CSMD1: variants seen among roughly 807,000 people sequenced by gnomAD.
The protein encoded by CSMD1 is CUB and sushi domain-containing protein 1.
Under a neutral mutation model 417.5 loss-of-function variants are expected in CSMD1, and 213 were observed. That is an observed-to-expected ratio of 0.51 (90% CI 0.46 to 0.57). The LOEUF (loss-of-function observed/expected upper bound fraction) is 0.57. CSMD1 is among the 20% of genes least tolerant of loss of function. The pLI is 0.00. For synonymous variants in CSMD1, 2,862 were observed against 1,736.8 expected, an observed-to-expected ratio of 1.65 and a Z score of -16.11; for missense variants, 6,923 against 4,529.7, an observed-to-expected ratio of 1.53 and a Z score of -15.17.
chr8:3,485,560 G>GAC (rs1409649555), intron 11 of CSMD1, among the ~76,000 whole-genome samples: 1 of 150,200 alleles, frequency 6.7e-6, no homozygotes, highest in East Asian at 2.0e-4. Context: ...GAGAGAGAGA[G>GAC]AGAGGGAGAG....
At chr8:4,565,402 A>C (rs1219719497) in intron 2 of CSMD1, among the ~76,000 whole-genome samples, 1 of 152,090 alleles carries the variant, frequency 6.6e-6, no homozygotes, top group Non-Finnish European at 1.5e-5. Flanking sequence ...TCTTCATTTT[A>C]CATTGCAGTG....
intron 10 of CSMD1, among the ~76,000 whole-genome samples, chr8:3,540,816 T>A (rs914642079): frequency 6.6e-6 from 1 of 152,042 alleles, no homozygotes; most frequent in Non-Finnish European, 1.5e-5. Flanking sequence ...GAAGTGCAAA[T>A]CAAAACCACA....
intron 5 of CSMD1, among the ~76,000 whole-genome samples, chr8:3,786,762 TCA>T (rs1352432295): frequency 6.6e-6 from 1 of 152,166 alleles, no homozygotes; most frequent in Non-Finnish European, 1.5e-5. Context: ...TCTTTCAAGC[TCA>T]CAGAGGGCTA....
At chr8:4,197,675 T>G (rs574502426) in intron 3 of CSMD1, among the ~76,000 whole-genome samples, 5 of 152,156 alleles carry the variant, frequency 3.3e-5, no homozygotes, top group African/African-American at 1.2e-4. Context: ...GGCCAGGAGT[T>G]TGAGGCCAGC....
rs1804606226 is a variant in CSMD1, at chr8:2,973,121, A to G, written c.8919T>C (p.Cys2973=). The G allele has an allele frequency of 6.2e-7, 1 of 1,613,310 alleles. No homozygotes were observed. Among genetic ancestry groups the G allele is most frequent in the South Asian group, 1.1e-5 (1 of 91,018 alleles). ...TTAAGGCTTCTGGCTACTCACCCTC[A>G]CACACCGGCTGCAGTCCTGACCATG... ...NGSWSGLQPV[C]EAVSCGNPGT... is the part of the protein sequence containing the mutation. The change falls in exon 57 of 70, where the codon TGT becomes TGC. Residue 2973 remains cysteine, a synonymous_variant. Transcript: ENST00000635120.
intron 26 of CSMD1, among the ~76,000 whole-genome samples, chr8:3,241,980 C>A (rs930716734): frequency 1.8e-5 from 2 of 108,256 alleles, no homozygotes; most frequent in African/African-American, 6.5e-5. Flanking sequence ...GCCTTTTGAC[C>A]TTTTAGGGTC....
intron 1 of CSMD1, chr8:4,787,796 T>C: frequency 6.4e-7 from 1 of 1,574,496 alleles, no homozygotes; most frequent in Non-Finnish European, 8.7e-7. Flanking sequence ...CAGACTGAAT[T>C]GGATATCATG....
intron 1 of CSMD1, among the ~76,000 whole-genome samples, chr8:4,867,319 T>C (rs561596443): frequency 6.6e-6 from 1 of 152,086 alleles, no homozygotes; most frequent in Non-Finnish European, 1.5e-5. Flanking sequence ...ACTGTTTATA[T>C]CTTGTCATTG....
At chr8:4,530,182 G>A (rs1796731621) in intron 2 of CSMD1, among the ~76,000 whole-genome samples, 1 of 151,910 alleles carries the variant, frequency 6.6e-6, no homozygotes, top group South Asian at 2.1e-4. Context: ...CAAAGTGCTA[G>A]GATTACAGGC....
chr8:4,459,250 T>TA (rs1409405098), intron 2 of CSMD1, among the ~76,000 whole-genome samples: 1 of 152,168 alleles, frequency 6.6e-6, no homozygotes, highest in African/African-American at 2.4e-5. Context: ...AACTCCAGAA[T>TA]AAAAGGTCAA....
In CSMD1 at chr8:3,440,884, G is replaced by C. The variant is rs1814937091; in HGVS notation, c.1561+27828C>G. On this transcript the variant is annotated intron_variant, in intron 12 of 69. Transcript: ENST00000635120. ...CATGAACAGACGTTACAGCAGGCTT[G>C]ATGGTGGCCCCCGATAACGACATGT... Among the ~76,000 whole-genome samples, 4 of 152,208 alleles carry C rather than the reference G, an allele frequency of 2.6e-5. No individual in the cohort carries two copies. In the South Asian group the frequency reaches 6.2e-4, roughly 24 times the overall value.
At chr8:3,276,644 C>A (rs1388928012) in intron 26 of CSMD1, among the ~76,000 whole-genome samples, 2 of 152,072 alleles carry the variant, frequency 1.3e-5, no homozygotes, top group African/African-American at 2.4e-5. Context: ...GGGACACAGC[C>A]AAACCGTATC....
rs140222724 is a variant in CSMD1 at position 3,793,920 on chromosome 8, C to G, written c.819-39878G>C. 3.9e-5 allele frequency among the ~76,000 whole-genome samples: 6 copies of G among 152,268 alleles called. No individual in the cohort carries two copies. The East Asian group carries it at 7.7e-4, about 20-fold the overall frequency. ...AGTTCCCTTTGGAATTGCTGTGATTCTCTTGATACTCTCCCCCAGAGCTGG... is the reference window on the plus strand; with the variant it reads ...AGTTCCCTTTGGAATTGCTGTGATTGTCTTGATACTCTCCCCCAGAGCTGG... On this transcript the variant is annotated intron_variant, in intron 5 of 69. Coordinates refer to ENST00000635120, the MANE Select transcript of CSMD1 (RefSeq NM_033225.6).
At chr8:4,800,475 C>T (rs1022095356) in intron 1 of CSMD1, among the ~76,000 whole-genome samples, 5 of 151,616 alleles carry the variant, frequency 3.3e-5, no homozygotes, top group African/African-American at 1.2e-4. Context: ...AAATTAATCA[C>T]CTTTGTCTTA....
At chr8:3,157,814 G>T in intron 39 of CSMD1, 83 bp downstream of exon 39, 1 of 1,092,586 alleles carries the variant, frequency 9.2e-7, no homozygotes, top group African/African-American at 1.6e-5. Flanking sequence ...ATTTAGAAGT[G>T]CATTCTTTGA....
intron 1 of CSMD1, among the ~76,000 whole-genome samples, chr8:4,818,918 G>C (rs964228361): frequency 6.6e-6 from 1 of 152,166 alleles, no homozygotes; most frequent in South Asian, 2.1e-4. Context: ...ACAAGGTTTG[G>C]AAATGGGTTT....
chr8:4,088,350 A>T (rs912396300), intron 3 of CSMD1, among the ~76,000 whole-genome samples: 20 of 152,228 alleles, frequency 1.3e-4, no homozygotes, highest in Admixed American at 3.9e-4. Flanking sequence ...TTTGCAGCAC[A>T]GAAGACGGAA....
intron 3 of CSMD1, among the ~76,000 whole-genome samples, chr8:4,343,198 T>G (rs934799126): frequency 1.1e-4 from 17 of 152,098 alleles, no homozygotes; most frequent in South Asian, 2.1e-4. Flanking sequence ...CTTGCTTTGT[T>G]AGAGCATAAA....
At position 3,911,995 on chromosome 8, in the gene CSMD1, G is replaced by C. The variant is rs548536475; in HGVS notation, c.818+85908C>G. Reference sequence around the variant, plus strand: ...CAAGTTTCCTGAACCGATAAAAATAGTTCAAAGGATCACCAATTGTCATAT... The same window carrying C: ...CAAGTTTCCTGAACCGATAAAAATACTTCAAAGGATCACCAATTGTCATAT... On this transcript the variant is annotated intron_variant, in intron 5 of 69. Coordinates refer to ENST00000635120, the MANE Select transcript of CSMD1 (RefSeq NM_033225.6). Among the ~76,000 whole-genome samples, 11 of 152,212 alleles carry C rather than the reference G, an allele frequency of 7.2e-5. No homozygotes were observed. The East Asian group carries it at 2.1e-3, about 29-fold the overall frequency.
Sources: allele counts gnomAD v4.1 joint callset (sites outside exome capture counted in the v4.1 genomes callset), GRCh38; gene constraint gnomAD v4.1.1; transcripts MANE v1.5; gene names NCBI Gene and HGNC (gene_info 2026-07-23, HGNC 2026-07-21).